Variants in ASCC3 observed in about 807,000 individuals in gnomAD.
ASCC3 encodes the protein activating signal cointegrator 1 complex subunit 3, also known as ASC-1 complex subunit P200.
ASCC3 carries 158 observed loss-of-function variants against 256.3 expected under a neutral mutation model. That is an observed-to-expected ratio of 0.62 (90% CI 0.54 to 0.70). ASCC3 has a LOEUF of 0.70. Ranked by LOEUF, ASCC3 falls within the 30% of genes least tolerant of loss-of-function variation. ASCC3 has a pLI of 0.00. For missense variants in ASCC3, 2,259 were observed against 2,626.0 expected (o/e 0.86, Z 3.05); for synonymous variants, 948 against 883.4 (o/e 1.07, Z -1.30).
At chr6:100,526,777 T>C (rs1051932614) in intron 37 of ASCC3, among the ~76,000 whole-genome samples, 10 of 152,196 alleles carry the variant, frequency 6.6e-5, no homozygotes, top group African/African-American at 2.2e-4. Flanking sequence ...TTATTTGTTT[T>C]TAGTCATCCA....
rs1203723276 is a variant in ASCC3 at position 100,848,044 on chromosome 6, C to T, written c.801+104G>A. ...TTTGGCTATAGATTCAACTACTATACAGAACATTAAAGAACTTTCTTTGCT... is the reference window on the plus strand; with the variant it reads ...TTTGGCTATAGATTCAACTACTATATAGAACATTAAAGAACTTTCTTTGCT... On this transcript the variant is annotated intron_variant, in intron 4 of 41. Transcript: ENST00000369162. 5 of 1,162,200 alleles carry T rather than the reference C, an allele frequency of 4.3e-6. No individual in the cohort carries two copies. In the East Asian group the frequency reaches 1.3e-4, roughly 30 times the overall value. 72.0% of individuals were successfully genotyped at this position (1,162,200 alleles called of 1,614,324 possible). A position where few individuals can be genotyped will look rare whatever the true frequency, so the allele number is the denominator to read the frequency against.
chr6:100,605,730 A>G, intron 32 of ASCC3, 30 bp from the exon 33 acceptor site: 1 of 1,610,532 alleles, frequency 6.2e-7, no homozygotes, highest in Non-Finnish European at 8.5e-7. Flanking sequence ...GAGATATTCT[A>G]CAATGTGGCA....
intron 3 of ASCC3, among the ~76,000 whole-genome samples, chr6:100,859,462 C>A (rs1442586673): frequency 6.6e-6 from 1 of 152,002 alleles, no homozygotes; most frequent in African/African-American, 2.4e-5. Flanking sequence ...ACTGCTATAT[C>A]CCTTTAACAG....
chr6:100,730,298 GAAAACAAAACAAAAC>G (rs58157005), intron 10 of ASCC3, among the ~76,000 whole-genome samples: 5 of 148,438 alleles, frequency 3.4e-5, no homozygotes, highest in African/African-American at 1.3e-4. Flanking sequence ...CTCCATCTCT[GAAAACAAAACAAAAC>G]AAAACAAAAC....
intron 36 of ASCC3, among the ~76,000 whole-genome samples, chr6:100,568,435 C>T (rs1299158880): frequency 6.7e-6 from 1 of 148,534 alleles, no homozygotes; most frequent in African/African-American, 2.5e-5. Context: ...ACTTGCATTT[C>T]TCTGATGATT....
intron 36 of ASCC3, among the ~76,000 whole-genome samples, chr6:100,543,979 TTGAC>T (rs1466701312): frequency 1.3e-5 from 2 of 152,098 alleles, no homozygotes; most frequent in Non-Finnish European, 1.5e-5. Flanking sequence ...AAGTGATACT[TTGAC>T]TGCAAGAAAA....
At chr6:100,569,015 G>A (rs944935266) in intron 36 of ASCC3, among the ~76,000 whole-genome samples, 4 of 151,888 alleles carry the variant, frequency 2.6e-5, no homozygotes, top group African/African-American at 7.3e-5. Flanking sequence ...TCCTGATCTC[G>A]TGATCTGATT....
intron 30 of ASCC3, among the ~76,000 whole-genome samples, chr6:100,617,997 T>C (rs1773755257): frequency 6.6e-6 from 1 of 152,218 alleles, no homozygotes; most frequent in South Asian, 2.1e-4. Context: ...TGCCTTGAAA[T>C]CTCCACTTGA....
At chr6:100,787,109 T>C (rs1461740536) in intron 8 of ASCC3, among the ~76,000 whole-genome samples, 1 of 152,050 alleles carries the variant, frequency 6.6e-6, no homozygotes, top group African/African-American at 2.4e-5. Flanking sequence ...TCAAGCATAG[T>C]GGGACCTGTG....
chr6:100,787,458 C>T (rs1769140321), intron 8 of ASCC3, among the ~76,000 whole-genome samples: 2 of 151,874 alleles, frequency 1.3e-5, no homozygotes, highest in South Asian at 4.2e-4. Context: ...GATTTAAATC[C>T]TCATCAAATA....
chr6:100,517,252 A>G lies in ASCC3; in HGVS notation c.5927+739T>C, dbSNP rs1774078299. Among the ~76,000 whole-genome samples the G allele has an allele frequency of 3.3e-5, 5 of 152,238 alleles. No homozygotes were observed. The South Asian group carries it at 1.0e-3, about 32-fold the overall frequency. On this transcript the variant is annotated intron_variant, in intron 38 of 41. Coordinates refer to ENST00000369162, the MANE Select transcript of ASCC3 (RefSeq NM_006828.4). ...TTGGCATCTGTGTCTAGATGTCTCA[A>G]ATAACTGCCACCCCTCATCCAGATG...
At position 100,603,373 on chromosome 6, in the gene ASCC3, G is replaced by C. The variant is rs1201653523; in HGVS notation, c.5178-1438C>G. ...AACATCAACATCAAGCATTGAAAGT[G>C]TCCCAGAAGCCCTCCTGTTGTGCTT... On this transcript the variant is annotated intron_variant, in intron 33 of 41. Coordinates refer to ENST00000369162, the MANE Select transcript of ASCC3 (RefSeq NM_006828.4). Among the ~76,000 whole-genome samples the C allele has an allele frequency of 3.9e-5, 6 of 152,144 alleles. No homozygotes were observed. In the East Asian group the frequency reaches 1.2e-3, roughly 29 times the overall value.
intron 29 of ASCC3, among the ~76,000 whole-genome samples, chr6:100,626,490 G>A (rs1363110441): frequency 6.6e-6 from 1 of 151,976 alleles, no homozygotes. Context: ...CATAAGTATA[G>A]CTGCTGTGCT....
At chr6:100,539,343 A>C (rs931967061) in intron 37 of ASCC3, among the ~76,000 whole-genome samples, 4 of 152,140 alleles carry the variant, frequency 2.6e-5, no homozygotes, top group African/African-American at 9.7e-5. Context: ...TCTCTTTTTA[A>C]ACTGTTTACC....
chr6:100,576,505 G>A (rs187653434), intron 36 of ASCC3, among the ~76,000 whole-genome samples: 41 of 151,832 alleles, frequency 2.7e-4, no homozygotes, highest in Admixed American at 1.1e-3. Flanking sequence ...AGGAAATAGG[G>A]TATAAAAAAA....
chr6:100,678,784 T>C (rs537575106), intron 14 of ASCC3, among the ~76,000 whole-genome samples: 7 of 152,240 alleles, frequency 4.6e-5, no homozygotes, highest in Admixed American at 1.3e-4. Context: ...ACAGTAGCTA[T>C]CACAACTACT....
rs559761226 is a variant in ASCC3, at chr6:100,568,007, AAC to A, written c.5550+21625_5550+21626del. On this transcript the variant is annotated intron_variant, in intron 36 of 41. Coordinates refer to ENST00000369162, the MANE Select transcript of ASCC3 (RefSeq NM_006828.4). The stretch of plus-strand genomic sequence containing the variant: ...GGCTGAACTAATTTACATTCCCACC[AAC>A]AGTTTGTAAGCATTCCCTTTTCCCC... Among the ~76,000 whole-genome samples, 471 of 152,316 alleles carry A rather than the reference AAC, an allele frequency of 3.1e-3. 2 individuals carry two copies. The highest frequency in any genetic ancestry group is 0.011 in the African/African-American group (449 of 41,558).
intron 37 of ASCC3, among the ~76,000 whole-genome samples, chr6:100,528,333 C>T (rs956765916): frequency 6.6e-6 from 1 of 152,138 alleles, no homozygotes; most frequent in Admixed American, 6.5e-5. Flanking sequence ...AACAATCCCA[C>T]CAATATACTT....
intron 8 of ASCC3, among the ~76,000 whole-genome samples, chr6:100,777,418 A>G (rs1054627977): frequency 1.3e-5 from 2 of 152,090 alleles, no homozygotes; most frequent in African/African-American, 4.8e-5. Context: ...CAAACACTCA[A>G]TAAGGTAGAC....
Sources: allele counts gnomAD v4.1 joint callset (sites outside exome capture counted in the v4.1 genomes callset), GRCh38; gene constraint gnomAD v4.1.1; transcripts MANE v1.5; gene names NCBI Gene and HGNC (gene_info 2026-07-23, HGNC 2026-07-21).